Variants in RHBDL2 observed in about 807,000 individuals in gnomAD.
The protein encoded by RHBDL2 is rhomboid-related protein 2.
RHBDL2 carries 26 observed loss-of-function variants against 31.7 expected under a neutral mutation model. The observed-to-expected ratio is 0.82, with a 90% CI of 0.60 to 1.14. RHBDL2 has a LOEUF of 1.14. RHBDL2 is among the 50% of genes most tolerant of loss of function. The pLI is 0.00. For synonymous variants in RHBDL2, 123 were observed against 127.2 expected (o/e 0.97, Z 0.22); for missense variants, 336 against 364.4 (o/e 0.92, Z 0.63).
At chr1:38,935,849 A>T (rs1415367362) in intron 1 of RHBDL2, among the ~76,000 whole-genome samples, 2 of 151,998 alleles carry the variant, frequency 1.3e-5, no homozygotes, top group African/African-American at 4.8e-5. Flanking sequence ...CCTGAGCTCA[A>T]GCGATCTGCC....
intron 1 of RHBDL2, among the ~76,000 whole-genome samples, chr1:38,934,721 G>A (rs1643474533): frequency 6.6e-6 from 1 of 150,688 alleles, no homozygotes; most frequent in African/African-American, 2.4e-5. Context: ...ATTTTGGGGG[G>A]CCGAGGCGGG....
chr1:38,890,267 G>C (rs886071983), intron 6 of RHBDL2, among the ~76,000 whole-genome samples: 1 of 152,116 alleles, frequency 6.6e-6, no homozygotes, highest in East Asian at 1.9e-4. Flanking sequence ...TGATCCACCC[G>C]CCTCGGCTTC....
chr1:38,925,125 A>T (rs1372799730), intron 1 of RHBDL2, among the ~76,000 whole-genome samples: 1 of 152,112 alleles, frequency 6.6e-6, no homozygotes, highest in African/African-American at 2.4e-5. Context: ...GACTCCTGAC[A>T]TTTGCAAGAG....
At chr1:38,895,376 A>G (rs1207161740) in intron 5 of RHBDL2, among the ~76,000 whole-genome samples, 1 of 152,232 alleles carries the variant, frequency 6.6e-6, no homozygotes, top group Non-Finnish European at 1.5e-5. Flanking sequence ...AAAAATATAT[A>G]AAACTGTTAA....
At chr1:38,938,460 A>T (rs1643532910) in intron 1 of RHBDL2, among the ~76,000 whole-genome samples, 1 of 151,994 alleles carries the variant, frequency 6.6e-6, no homozygotes, top group Non-Finnish European at 1.5e-5. Context: ...TGCCCCAGCC[A>T]CACTGAGCCC....
rs545512198 is a variant in RHBDL2, at chr1:38,929,493, C to G, written c.-125-10156G>C. ...GACACTTTTAGTTGTGAGCTTGTGC[C>G]GCTTGCCTAGCTGCATTCAAACAGG... On this transcript the variant is annotated intron_variant, in intron 1 of 7. Transcript: ENST00000372990. The G allele has an allele frequency of 9.3e-6, 12 of 1,289,420 alleles. No homozygotes were observed. The South Asian group carries it at 1.5e-4, about 16-fold the overall frequency. 79.9% of individuals were successfully genotyped at this position (1,289,420 alleles called of 1,614,324 possible).
intron 6 of RHBDL2, among the ~76,000 whole-genome samples, chr1:38,891,041 A>C (rs577990392): frequency 2.8e-4 from 43 of 152,128 alleles, no homozygotes; most frequent in African/African-American, 1.0e-3. Flanking sequence ...GGCTGAGGTG[A>C]GTGGATCACC....
intron 4 of RHBDL2, among the ~76,000 whole-genome samples, chr1:38,910,133 A>G (rs1051656865): frequency 2.0e-5 from 3 of 152,248 alleles, no homozygotes; most frequent in Non-Finnish European, 4.4e-5. Context: ...CATTTATATA[A>G]TATTCTTCAA....
rs868611754 is a variant in RHBDL2, at chr1:38,934,972, T to A, written c.-126+6710A>T. 1.6e-3 allele frequency among the ~76,000 whole-genome samples: 196 copies of A among 122,602 alleles called. 2 individuals carry two copies. Among genetic ancestry groups the A allele is most frequent in the African/African-American group, 2.3e-3 (78 of 34,030 alleles). 80.4% of individuals were successfully genotyped at this position (122,602 alleles called of 152,430 possible). A position where few individuals can be genotyped will look rare whatever the true frequency, so the allele number is the denominator to read the frequency against. ...GGCTCAGTCGCAAAAAAAAAAAAAA[T>A]TTTTTTAAAGAAGCTCTGTTCTGTC... On this transcript the variant is annotated intron_variant, in intron 1 of 7. Coordinates refer to ENST00000372990, the MANE Select transcript of RHBDL2 (RefSeq NM_017821.5).
chr1:38,921,534 T>C (rs1643315806), intron 1 of RHBDL2, among the ~76,000 whole-genome samples: 1 of 152,188 alleles, frequency 6.6e-6, no homozygotes, highest in African/African-American at 2.4e-5. Flanking sequence ...CACTGCATGT[T>C]ACTGGGAATC....
Position 38,915,657 on chromosome 1 carries a change from C to T in RHBDL2, c.300G>A (p.Thr100=), listed in dbSNP as rs780945262. The T allele has an allele frequency of 8.0e-5, 129 of 1,614,004 alleles. No individual in the cohort carries two copies. Among genetic ancestry groups the T allele is most frequent in the African/African-American group, 2.4e-4 (18 of 74,912 alleles). ...GACTCTCCAAGATGCCTGTGTCCAA[C>T]GTGATCCACTGTTTCTGAGGCTTCC... ...AVWKPQKQWI[T]LDTGILESPF... The change falls in exon 3 of 8, where the codon ACG becomes ACA. Residue 100 remains threonine, a synonymous_variant. Transcript: ENST00000372990.
intron 1 of RHBDL2, among the ~76,000 whole-genome samples, chr1:38,924,784 T>TTC (rs1466657210): frequency 1.7e-4 from 21 of 120,820 alleles, no homozygotes; most frequent in African/African-American, 7.3e-4. Flanking sequence ...TCTTTTTTCT[T>TTC]TTTTTTTTTT....
At chr1:38,936,487 T>G (rs1327431051) in intron 1 of RHBDL2, among the ~76,000 whole-genome samples, 1 of 148,948 alleles carries the variant, frequency 6.7e-6, no homozygotes, top group African/African-American at 2.6e-5. Flanking sequence ...AATTTTTGGT[T>G]TTTTGCTTTT....
At chr1:38,939,013 A>G (rs976182112) in intron 1 of RHBDL2, among the ~76,000 whole-genome samples, 3 of 152,218 alleles carry the variant, frequency 2.0e-5, no homozygotes, top group Admixed American at 2.0e-4. Flanking sequence ...AACGAACAGG[A>G]TTATAAAACT....
At chr1:38,928,298 C>T (rs1363387234) in intron 1 of RHBDL2, among the ~76,000 whole-genome samples, 5 of 151,946 alleles carry the variant, frequency 3.3e-5, no homozygotes, top group East Asian at 1.9e-4. Context: ...CCTGCCACCA[C>T]GCCCAGCTAA....
intron 7 of RHBDL2, 77 bp from the exon 8 acceptor site, chr1:38,886,760 CA>C: frequency 8.4e-7 from 1 of 1,190,954 alleles, no homozygotes; most frequent in African/African-American, 1.5e-5. Flanking sequence ...CTCTCTTATT[CA>C]AACACAAATA....
chr1:38,893,370 T>G (rs968220987), intron 5 of RHBDL2, 146 bp from the exon 6 acceptor site: 1 of 514,144 alleles, frequency 1.9e-6, no homozygotes, highest in Non-Finnish European at 3.5e-6. Flanking sequence ...ACAGCCGAGT[T>G]TTTAAATGTA....
At chr1:38,931,521 C>CA (rs201157232) in intron 1 of RHBDL2, among the ~76,000 whole-genome samples, 4,391 of 131,162 alleles carry the variant, frequency 0.033, 205 homozygotes, top group African/African-American at 0.1. Context: ...GACTCCGTCT[C>CA]AAAAAAAAAA....
intron 3 of RHBDL2, among the ~76,000 whole-genome samples, chr1:38,912,406 GT>G (rs569035679): frequency 0.051 from 7,340 of 143,898 alleles, 207 homozygotes; most frequent in Non-Finnish European, 0.071. Context: ...CGCCTGGCCC[GT>G]TTTTTTTTTT....
Sources: gnomAD v4.1 joint callset for allele counts (sites outside exome capture counted in the v4.1 genomes callset) on GRCh38, gnomAD v4.1.1 for gene constraint, MANE v1.5 for transcripts, NCBI Gene and HGNC (gene_info 2026-07-23, HGNC 2026-07-21) for gene names.